The following DNAH14 variants were observed in gnomAD, a reference collection of about 807,000 sequenced individuals.
The protein encoded by DNAH14 is dynein axonemal heavy chain 14.
In DNAH14, 478 loss-of-function variants were observed where a neutral mutation model predicts 520.9. That is an observed-to-expected ratio of 0.92 (90% CI 0.85 to 0.99). The LOEUF (loss-of-function observed/expected upper bound fraction) is 0.99, where lower values mean the gene tolerates loss of function less well. DNAH14 is among the 50% of genes least tolerant of loss of function. The probability of loss-of-function intolerance (pLI) is 0.00; values close to 1 mark genes in which losing one functional copy is unlikely to be tolerated. For synonymous variants in DNAH14, 1,581 were observed against 1,757.2 expected (o/e 0.90, Z 2.51); for missense variants, 4,831 against 5,234.5 (o/e 0.92, Z 2.38).
At chr1:225,296,288 G>A (rs1337402764) in intron 55 of DNAH14, among the ~76,000 whole-genome samples, 1 of 152,064 alleles carries the variant, frequency 6.6e-6, no homozygotes, top group Non-Finnish European at 1.5e-5. Flanking sequence ...TGGAACTCCT[G>A]GGCTCAAGAG....
chr1:225,035,620 A>G (rs2066900104), intron 11 of DNAH14, among the ~76,000 whole-genome samples: 1 of 151,760 alleles, frequency 6.6e-6, no homozygotes, highest in Non-Finnish European at 1.5e-5. Flanking sequence ...GTGTTTGTAT[A>G]GTTCCCAGAA....
At chr1:225,086,754 A>G (rs1479061662) in intron 21 of DNAH14, among the ~76,000 whole-genome samples, 1 of 152,164 alleles carries the variant, frequency 6.6e-6, no homozygotes, top group African/African-American at 2.4e-5. Context: ...AAAAGGGCAG[A>G]CAAAATAAAA....
chr1:225,017,673 TA>T lies in DNAH14; in HGVS notation c.1108-5941del, dbSNP rs1479985402. ...CACCCTGCAACCCCTAGCGCAGTGC[TA>T]TTGCCTGCAGTCTGGGAGCACCTTG... is the stretch of plus-strand genomic sequence containing the variant. On this transcript the variant is annotated intron_variant, in intron 10 of 85. Coordinates refer to ENST00000682510, the MANE Select transcript of DNAH14 (RefSeq NM_001367479.1). Among the ~76,000 whole-genome samples the T allele has an allele frequency of 3.9e-5, 6 of 152,342 alleles. No individual in the cohort carries two copies. In the East Asian group the frequency reaches 1.2e-3, roughly 29 times the overall value.
rs2082202021 is a variant in DNAH14, at chr1:225,168,029, G to A, written c.5535+1G>A. ...TATACAGTTTTATAATCAACTTCAGGTAAGTATAAAATGGCATGTTAGCAA... is the reference window on the plus strand; with the variant it reads ...TATACAGTTTTATAATCAACTTCAGATAAGTATAAAATGGCATGTTAGCAA... On this transcript the variant is annotated splice_donor_variant, in intron 36 of 85. Coordinates refer to ENST00000682510, the MANE Select transcript of DNAH14 (RefSeq NM_001367479.1). LOFTEE classifies it high-confidence loss of function. The A allele has an allele frequency of 4.0e-6, 6 of 1,494,268 alleles. No individual in the cohort carries two copies. The highest frequency in any genetic ancestry group is 2.2e-5 in the Admixed American group (1 of 46,378). The allele number at this position is 1,494,268 out of a possible 1,614,324, so 92.6% of individuals were successfully genotyped here.
intron 49 of DNAH14, 114 bp from the exon 50 acceptor site, chr1:225,270,621 T>C: frequency 1.1e-6 from 1 of 884,566 alleles, no homozygotes; most frequent in Middle Eastern, 2.8e-4. Context: ...AGTAATTAAA[T>C]CTTTTTGTCT....
intron 61 of DNAH14, among the ~76,000 whole-genome samples, chr1:225,320,914 A>G (rs2094544892): frequency 1.3e-5 from 2 of 152,200 alleles, no homozygotes; most frequent in Admixed American, 1.3e-4. Context: ...TTTAAATTAA[A>G]TTTCCTAGAT....
At position 225,259,241 on chromosome 1, in the gene DNAH14, T is replaced by TA. The variant is rs759082488; in HGVS notation, c.7152dup (p.Ser2385IlefsTer3). 3.4e-6 allele frequency: 5 copies of TA among 1,487,024 alleles called. No individual in the cohort carries two copies. Among genetic ancestry groups the TA allele is most frequent in the Middle Eastern group, 1.7e-4 (1 of 5,852 alleles). The allele number at this position is 1,487,024 out of a possible 1,614,324, so 92.1% of individuals were successfully genotyped here. A position where few individuals can be genotyped will look rare whatever the true frequency, so the allele number is the denominator to read the frequency against. The stretch of plus-strand genomic sequence containing the variant: ...GGAGACACCCTATTATATAGTGAAA[T>TA]AAAAAAATCAAGGTTGTATATACTA... On this transcript the variant is annotated frameshift_variant, in exon 46 of 86. Transcript: ENST00000682510. LOFTEE classifies it high-confidence loss of function.
At chr1:225,298,328 A>T (rs184370539) in intron 55 of DNAH14, among the ~76,000 whole-genome samples, 164 of 152,292 alleles carry the variant, frequency 1.1e-3, no homozygotes, top group Non-Finnish European at 1.8e-4. Context: ...ATGGGCATGT[A>T]GCACTCTGCC....
intron 17 of DNAH14, among the ~76,000 whole-genome samples, chr1:225,077,383 A>G (rs999936961): frequency 1.3e-5 from 2 of 152,188 alleles, no homozygotes; most frequent in Non-Finnish European, 2.9e-5. Context: ...TTTGGTATCA[A>G]TATGTTACTA....
chr1:225,164,409 A>C (rs1300330104), intron 35 of DNAH14, among the ~76,000 whole-genome samples: 1 of 151,952 alleles, frequency 6.6e-6, no homozygotes, highest in Non-Finnish European at 1.5e-5. Context: ...TGAACTGTCT[A>C]TCTTATAGGA....
rs766065659 is a variant in DNAH14, at chr1:225,119,273, G to A, written c.4145G>A (p.Ser1382Asn). The A allele has an allele frequency of 7.2e-6, 11 of 1,522,444 alleles. No individual in the cohort carries two copies. In the South Asian group the frequency reaches 1.2e-4, roughly 16 times the overall value. The allele number at this position is 1,522,444 out of a possible 1,614,324, so 94.3% of individuals were successfully genotyped here. The change falls in exon 26 of 86, where the codon AGC becomes AAC. Residue 1382 changes from serine (S) to asparagine (N), a missense_variant. Coordinates refer to ENST00000682510, the MANE Select transcript of DNAH14 (RefSeq NM_001367479.1). ...VEQWLVNVEK[S>N]MFDVLKKFLS... ...CAGTGGCTGGTAAATGTAGAAAAAA[G>A]CATGTTCGATGTGCTAAAAAAGTAA...
chr1:225,021,071 A>C lies in DNAH14; in HGVS notation c.1108-2544A>C, dbSNP rs189569836. Reference sequence around the variant, plus strand: ...ACCACATGATCATCTCAACAGATGCAGGAAATGCTTTTGATAAAATTCAAC... The same window carrying C: ...ACCACATGATCATCTCAACAGATGCCGGAAATGCTTTTGATAAAATTCAAC... On this transcript the variant is annotated intron_variant, in intron 10 of 85. Coordinates refer to ENST00000682510, the MANE Select transcript of DNAH14 (RefSeq NM_001367479.1). Among the ~76,000 whole-genome samples, 13 of 152,366 alleles carry C rather than the reference A, an allele frequency of 8.5e-5. No homozygotes were observed. In the East Asian group the frequency reaches 2.3e-3, roughly 27 times the overall value.
chr1:225,196,604 A>G (rs2086172470), intron 38 of DNAH14, among the ~76,000 whole-genome samples: 1 of 152,176 alleles, frequency 6.6e-6, no homozygotes, highest in Non-Finnish European at 1.5e-5. Context: ...TGTTTTCCAC[A>G]GTGGTTGTAC....
At position 225,206,037 on chromosome 1, in the gene DNAH14, C is replaced by G. The variant is rs1159414642; in HGVS notation, c.6044C>G (p.Ser2015Cys). Residue 2015 changes from serine to cysteine, a missense_variant, in exon 40 of 86, where the codon TCT (serine) becomes TGT (cysteine). Ser to Cys is a moderately radical substitution (Grantham distance 112). Coordinates refer to ENST00000682510, the MANE Select transcript of DNAH14 (RefSeq NM_001367479.1). ...ACCTTTTGGGTAGAAAATCTGAACTCTGTGCTAGATGATACTAGAACATTG... is the reference window on the plus strand; with the variant it reads ...ACCTTTTGGGTAGAAAATCTGAACTGTGTGCTAGATGATACTAGAACATTG... ...VDTFWVENLN[S>C]VLDDTRTLCL... 6.4e-7 allele frequency: 1 copy of G among 1,551,510 alleles called. No individual in the cohort carries two copies. The highest frequency in any genetic ancestry group is 8.7e-7 in the Non-Finnish European group (1 of 1,146,874).
intron 41 of DNAH14, among the ~76,000 whole-genome samples, chr1:225,222,664 A>C (rs964815509): frequency 6.6e-6 from 1 of 152,082 alleles, no homozygotes; most frequent in African/African-American, 2.4e-5. Flanking sequence ...TTTACAGAAC[A>C]CTGGTGCATT....
At chr1:225,335,815 G>A (rs1574871195) in intron 66 of DNAH14, among the ~76,000 whole-genome samples, 1 of 129,462 alleles carries the variant, frequency 7.7e-6, no homozygotes, top group African/African-American at 3.0e-5. Flanking sequence ...GTACATATAT[G>A]TACATACACA....
At chr1:225,274,788 A>G (rs992563675) in intron 52 of DNAH14, among the ~76,000 whole-genome samples, 3 of 152,220 alleles carry the variant, frequency 2.0e-5, no homozygotes, top group African/African-American at 7.2e-5. Context: ...ATTCAAGACC[A>G]TATGGACCAA....
intron 8 of DNAH14, among the ~76,000 whole-genome samples, chr1:224,980,692 T>C (rs1457447025): frequency 6.6e-6 from 1 of 152,184 alleles, no homozygotes; most frequent in African/African-American, 2.4e-5. Context: ...GCCTGTTGGC[T>C]TCAGGTTTAA....
At chr1:225,159,688 A>G (rs1219103221) in intron 35 of DNAH14, among the ~76,000 whole-genome samples, 1 of 152,214 alleles carries the variant, frequency 6.6e-6, no homozygotes, top group Non-Finnish European at 1.5e-5. Flanking sequence ...GGAAATAAGA[A>G]TGAACCATGT....
Sources: allele counts gnomAD v4.1 joint callset (sites outside exome capture counted in the v4.1 genomes callset), GRCh38; gene constraint gnomAD v4.1.1; transcripts MANE v1.5; gene names NCBI Gene and HGNC (gene_info 2026-07-23, HGNC 2026-07-21).